The following ZNF316 variants were observed in gnomAD, a reference collection of about 807,000 sequenced individuals.
ZNF316 encodes the protein zinc finger protein 316.
A neutral mutation model predicts 75.6 loss-of-function variants in ZNF316; 23 were observed. The ratio of observed to expected loss-of-function variants is 0.30; its 90% CI spans 0.22 to 0.43. The LOEUF (loss-of-function observed/expected upper bound fraction) is 0.43. Among genes scored for constraint, ZNF316 ranks in the 20% least tolerant of loss-of-function variants. The pLI, the probability that ZNF316 is intolerant of heterozygous loss-of-function variation, is 1.00. For synonymous variants in ZNF316, 827 were observed against 666.2 expected (o/e 1.24, Z -3.72); for missense variants, 1,266 against 1,409.4 (o/e 0.90, Z 1.63).
chr7:6,651,467 C>T (rs1366408356), intron 8 of ZNF316, among the ~76,000 whole-genome samples: 1 of 152,182 alleles, frequency 6.6e-6, no homozygotes, highest in Non-Finnish European at 1.5e-5. Context: ...CCAGCCTGGC[C>T]AACATGGCGA....
chr7:6,657,645 A>G lies in ZNF316; in HGVS notation c.*3034A>G, dbSNP rs546753487. Reference sequence around the variant, plus strand: ...TGGATTCCTTGAGCTCAGGAGTTCGAGGCCAGCTGGGACAACACGGCAAAA... The same window carrying G: ...TGGATTCCTTGAGCTCAGGAGTTCGGGGCCAGCTGGGACAACACGGCAAAA... On this transcript the variant is annotated 3_prime_UTR_variant, in exon 9 of 9. Transcript: ENST00000382252. Among the ~76,000 whole-genome samples, 1 of 152,162 alleles carries G rather than the reference A, an allele frequency of 6.6e-6. No homozygotes were observed. Among genetic ancestry groups the G allele is most frequent in the Non-Finnish European group, 1.5e-5 (1 of 68,008 alleles).
chr7:6,642,341 T>A lies in ZNF316; in HGVS notation c.-28-41T>A, dbSNP rs1426629911. ...GACCCTGTGAGGGGACCGTGTGGTG[T>A]GCTGAGAGCAGCCCGTCACTGGCGT... On this transcript the variant is annotated intron_variant, in intron 4 of 8. Coordinates refer to ENST00000382252, the MANE Select transcript of ZNF316 (RefSeq NM_001278559.2). The surrounding 1 kb of genome is among the most constrained non-coding windows in gnomAD (Gnocchi z 8.1). 1 of 1,058,136 alleles carries A rather than the reference T, an allele frequency of 9.5e-7. No homozygotes were observed. The highest frequency in any genetic ancestry group is 1.2e-6 in the Non-Finnish European group (1 of 829,870). 65.5% of individuals were successfully genotyped at this position (1,058,136 alleles called of 1,614,324 possible). A position where few individuals can be genotyped will look rare whatever the true frequency, so the allele number is the denominator to read the frequency against.
chr7:6,642,601 G>A lies in ZNF316; in HGVS notation c.192G>A (p.Val64=). Residue 64 remains valine (V), a synonymous_variant, in exon 5 of 9, where the codon GTG becomes GTA. Coordinates refer to ENST00000382252, the MANE Select transcript of ZNF316 (RefSeq NM_001278559.2). This position sits in a 1 kb window ranked among gnomAD's most constrained non-coding sequence, Gnocchi z 8.1. The part of the protein sequence containing the change: ...EEEEEGVAEV[V]QDAQVEAVAE... ...AGGAGGAGGGTGTGGCAGAGGTAGT[G>A]CAGGATGCGCAGGTGGAGGCGGTGG... 1.6e-6 allele frequency: 2 copies of A among 1,222,808 alleles called. No individual in the cohort carries two copies. The highest frequency in any genetic ancestry group is 1.0e-6 in the Non-Finnish European group (1 of 978,290). The allele number at this position is 1,222,808 out of a possible 1,614,324, so 75.7% of individuals were successfully genotyped here. A position where few individuals can be genotyped will look rare whatever the true frequency, so the allele number is the denominator to read the frequency against.
rs1176857114 is a variant in ZNF316 at position 6,653,466 on chromosome 7, C to T, written c.1870C>T (p.Arg624Trp). 1.7e-5 allele frequency: 21 copies of T among 1,226,752 alleles called. No individual in the cohort carries two copies. Among genetic ancestry groups the T allele is most frequent in the African/African-American group, 1.6e-5 (1 of 64,106 alleles). The allele number at this position is 1,226,752 out of a possible 1,614,324, so 76.0% of individuals were successfully genotyped here. The change falls in exon 9 of 9, where the codon CGG becomes TGG. Residue 624 changes from arginine to tryptophan, a missense_variant. Arg to Trp is a moderately radical substitution (Grantham distance 101). Coordinates refer to ENST00000382252, the MANE Select transcript of ZNF316 (RefSeq NM_001278559.2). Reference sequence around the variant, plus strand: ...CCTGGGCCTACCCGACTTCCGAGAGCGGCTGCCGGTCGACGGGCGCCCGCT... The same window carrying T: ...CCTGGGCCTACCCGACTTCCGAGAGTGGCTGCCGGTCGACGGGCGCCCGCT... Reference protein sequence around the residue: ...PILGLPDFRERLPVDGRPLPA... With the variant: ...PILGLPDFREWLPVDGRPLPA...
chr7:6,653,351 G>A lies in ZNF316; in HGVS notation c.1755G>A (p.Leu585=), dbSNP rs1346147749. 3 of 1,225,904 alleles carry A rather than the reference G, an allele frequency of 2.4e-6. No homozygotes were observed. Among genetic ancestry groups the A allele is most frequent in the Non-Finnish European group, 3.0e-6 (3 of 984,866 alleles). 75.9% of individuals were successfully genotyped at this position (1,225,904 alleles called of 1,614,324 possible). The part of the protein sequence containing the change: ...ERRFLELGNG[L]GEGEGPSSHP... Reference sequence around the variant, plus strand: ...GCTTCCTGGAGCTGGGCAACGGCCTGGGGGAGGGCGAAGGCCCCTCCTCCC... The same window carrying A: ...GCTTCCTGGAGCTGGGCAACGGCCTAGGGGAGGGCGAAGGCCCCTCCTCCC... The change falls in exon 9 of 9, where the codon CTG becomes CTA. Residue 585 remains leucine (L), a synonymous_variant. Transcript: ENST00000382252.
At position 6,647,131 on chromosome 7, in the gene ZNF316, C is replaced by T. The variant is rs943026597; in HGVS notation, c.706+2538C>T. 3.3e-5 allele frequency among the ~76,000 whole-genome samples: 5 copies of T among 152,196 alleles called. No individual in the cohort carries two copies. In the East Asian group the frequency reaches 7.7e-4, roughly 23 times the overall value. The stretch of plus-strand genomic sequence containing the variant: ...AGTGGCATTGGCCTGGCGGGCCAGC[C>T]CTGTACTTGTGGGACTGTCTTTCCA... On this transcript the variant is annotated intron_variant, in intron 8 of 8. Transcript: ENST00000382252.
At chr7:6,650,162 G>A (rs1299085448) in intron 8 of ZNF316, among the ~76,000 whole-genome samples, 4 of 152,168 alleles carry the variant, frequency 2.6e-5, no homozygotes, top group African/African-American at 4.8e-5. Flanking sequence ...AGATCCTTTC[G>A]AGCTCTCTGC....
At position 6,654,158 on chromosome 7, in the gene ZNF316, G is replaced by A. The variant is rs1773666239; in HGVS notation, c.2562G>A (p.Thr854=). The A allele has an allele frequency of 8.2e-7, 1 of 1,222,424 alleles. No homozygotes were observed. Among genetic ancestry groups the A allele is most frequent in the Non-Finnish European group, 1.0e-6 (1 of 981,116 alleles). The allele number at this position is 1,222,424 out of a possible 1,614,324, so 75.7% of individuals were successfully genotyped here. ...TCAAGCGGCATCGGCGCACGCACACGGGCGAGAAGCCCTTCCGCTGCGCCG... is the reference window on the plus strand; with the variant it reads ...TCAAGCGGCATCGGCGCACGCACACAGGCGAGAAGCCCTTCCGCTGCGCCG... ...SDFKRHRRTH[T]GEKPFRCADC... The change falls in exon 9 of 9, where the codon ACG becomes ACA. Residue 854 remains threonine (T), a synonymous_variant. Coordinates refer to ENST00000382252, the MANE Select transcript of ZNF316 (RefSeq NM_001278559.2).
Position 6,653,374 on chromosome 7 carries a change from C to T in ZNF316, c.1778C>T (p.Ser593Phe). 8.2e-7 allele frequency: 1 copy of T among 1,226,496 alleles called. No homozygotes were observed. Among genetic ancestry groups the T allele is most frequent in the South Asian group, 4.1e-5 (1 of 24,304 alleles). 76.0% of individuals were successfully genotyped at this position (1,226,496 alleles called of 1,614,324 possible). A position where few individuals can be genotyped will look rare whatever the true frequency, so the allele number is the denominator to read the frequency against. ...CTGGGGGAGGGCGAAGGCCCCTCCT[C>T]CCACCCGCTGGGCTTCCACTTCCCC... is the stretch of plus-strand genomic sequence containing the variant. ...NGLGEGEGPS[S>F]HPLGFHFPVH... The change falls in exon 9 of 9, where the codon TCC becomes TTC. Residue 593 changes from serine (S) to phenylalanine (F), a missense_variant. By Grantham distance (155) the Ser-to-Phe change is radical. This residue lies in a region of ZNF316 where 961 missense variants were observed against 990.9 expected (regional missense o/e 0.97). Transcript: ENST00000382252.
rs148460776 is a variant in ZNF316, at chr7:6,645,224, C to T, written c.706+631C>T. On this transcript the variant is annotated intron_variant, in intron 8 of 8. Transcript: ENST00000382252. ...CTCAACTCAGGTTCCCACTGGGGGA[C>T]GCCACATTGTCAGTTGCGTGGAGGT... Among the ~76,000 whole-genome samples, 667 of 152,250 alleles carry T rather than the reference C, an allele frequency of 4.4e-3. 3 individuals carry two copies. Among genetic ancestry groups the T allele is most frequent in the Middle Eastern group, 0.014 (4 of 294 alleles).
chr7:6,644,634 C>T, intron 8 of ZNF316, 41 bp downstream of exon 8: 1 of 1,137,614 alleles, frequency 8.8e-7, no homozygotes, highest in Non-Finnish European at 1.1e-6. Context: ...CCGATAGCTT[C>T]TCAGAGCTGT....
At position 6,657,438 on chromosome 7, in the gene ZNF316, A is replaced by G. The variant is rs932003824; in HGVS notation, c.*2827A>G. Among the ~76,000 whole-genome samples the G allele has an allele frequency of 1.3e-5, 2 of 151,928 alleles. No individual in the cohort carries two copies. The highest frequency in any genetic ancestry group is 4.8e-5 in the African/African-American group (2 of 41,374). On this transcript the variant is annotated 3_prime_UTR_variant, in exon 9 of 9. Coordinates refer to ENST00000382252, the MANE Select transcript of ZNF316 (RefSeq NM_001278559.2). ...AATTCAAGGCCAACCTGGGCAACGT[A>G]TCAAGACTCCATGTCTGAAACAGAC...
In ZNF316 at chr7:6,640,447, G is replaced by A. The variant is rs576038794; in HGVS notation, c.-167+1306G>A. Among the ~76,000 whole-genome samples the A allele has an allele frequency of 5.5e-4, 84 of 152,220 alleles. No individual in the cohort carries two copies. The highest frequency in any genetic ancestry group is 1.9e-3 in the African/African-American group (77 of 41,534). On this transcript the variant is annotated intron_variant, in intron 3 of 8. Coordinates refer to ENST00000382252, the MANE Select transcript of ZNF316 (RefSeq NM_001278559.2). The surrounding 1 kb of genome is among the most constrained non-coding windows in gnomAD (Gnocchi z 5.1). ...CAGGAACAAGCAAGAGAGAGTGAGT[G>A]GGGAGGCGCCACACACTTTTAAAGA...
Position 6,652,607 on chromosome 7 carries a change from C to A in ZNF316, c.1011C>A (p.Ala337=), listed in dbSNP as rs1779529481. The A allele has an allele frequency of 2.4e-6, 3 of 1,230,458 alleles. No individual in the cohort carries two copies. Among genetic ancestry groups the A allele is most frequent in the Non-Finnish European group, 3.0e-6 (3 of 987,016 alleles). 76.2% of individuals were successfully genotyped at this position (1,230,458 alleles called of 1,614,324 possible). The stretch of plus-strand genomic sequence containing the variant: ...CCTGGGCGTTCCCCGCCGCAGTGGC[C>A]CCGCCGGCCGGGAGGCCGGAGACCA... ...LSPWAFPAAV[A]PPAGRPETTC... is the part of the protein sequence containing the mutation. Residue 337 remains alanine, a synonymous_variant, in exon 9 of 9, where the codon GCC becomes GCA. Transcript: ENST00000382252.
At chr7:6,645,715 G>A (rs1264431961) in intron 8 of ZNF316, among the ~76,000 whole-genome samples, 1 of 150,940 alleles carries the variant, frequency 6.6e-6, no homozygotes. Flanking sequence ...AAAAAAATAG[G>A]CTAGGTGCGG....
chr7:6,644,075 C>CTCCCAGGGA (rs1779356745), intron 7 of ZNF316, 127 bp downstream of exon 7: 2 of 1,065,110 alleles, frequency 1.9e-6, no homozygotes, highest in East Asian at 6.5e-5. Context: ...CCCAGCCCAC[C>CTCCCAGGGA]TCCCAGGGAA....
chr7:6,643,991 A>G (rs1779355447), intron 7 of ZNF316, 43 bp downstream of exon 7: 1 of 1,231,134 alleles, frequency 8.1e-7, no homozygotes, highest in African/African-American at 1.6e-5. Flanking sequence ...GCCTGGTGTG[A>G]TGGCTGCCAG....
intron 8 of ZNF316, among the ~76,000 whole-genome samples, chr7:6,645,170 G>T (rs954244834): frequency 1.3e-5 from 2 of 152,288 alleles, no homozygotes; most frequent in Non-Finnish European, 2.9e-5. Flanking sequence ...CAACTCTAAG[G>T]CCCCCTTTAT....
chr7:6,652,994 C>T lies in ZNF316; in HGVS notation c.1398C>T (p.Phe466=), dbSNP rs1779539061. 1 of 1,232,204 alleles carries T rather than the reference C, an allele frequency of 8.1e-7. No homozygotes were observed. The highest frequency in any genetic ancestry group is 1.0e-6 in the Non-Finnish European group (1 of 986,924). The allele number at this position is 1,232,204 out of a possible 1,614,324, so 76.3% of individuals were successfully genotyped here. ...PYPCSHCGRS[F]SQSSALARHQ... Reference sequence around the variant, plus strand: ...CGTGTTCGCACTGCGGCCGCAGCTTCAGCCAGAGCTCGGCGCTGGCACGGC... The same window carrying T: ...CGTGTTCGCACTGCGGCCGCAGCTTTAGCCAGAGCTCGGCGCTGGCACGGC... Residue 466 remains phenylalanine (F), a synonymous_variant, in exon 9 of 9, where the codon TTC becomes TTT. Transcript: ENST00000382252.
Sources: allele counts gnomAD v4.1 joint callset (sites outside exome capture counted in the v4.1 genomes callset), GRCh38; gene constraint gnomAD v4.1.1; regional missense constraint gnomAD v4.1.1; non-coding constraint Gnocchi (gnomAD v3.1); transcripts MANE v1.5; gene names NCBI Gene and HGNC (gene_info 2026-07-23, HGNC 2026-07-21).